NME7: variants seen among roughly 807,000 people sequenced by gnomAD.
NME7 encodes nucleoside diphosphate kinase 7.
A neutral mutation model predicts 49.1 loss-of-function variants in NME7; 41 were observed. That is an observed-to-expected ratio of 0.83 (90% CI 0.65 to 1.08). NME7 has a LOEUF of 1.08. Ranked by LOEUF, NME7 falls within the 50% of genes least tolerant of loss-of-function variation. The pLI, the probability that NME7 is intolerant of heterozygous loss-of-function variation, is 0.00. For synonymous variants in NME7, 139 were observed against 150.6 expected (o/e 0.92, Z 0.56); for missense variants, 423 against 463.4 (o/e 0.91, Z 0.80).
At chr1:169,361,785 A>G (rs1450228222) in intron 1 of NME7, among the ~76,000 whole-genome samples, 10 of 151,920 alleles carry the variant, frequency 6.6e-5, no homozygotes, top group Non-Finnish European at 1.3e-4. Flanking sequence ...CTGTCTAAAA[A>G]AAAAAAAAGG....
chr1:169,353,076 G>C (rs963605602), intron 1 of NME7, among the ~76,000 whole-genome samples: 3 of 151,672 alleles, frequency 2.0e-5, no homozygotes, highest in African/African-American at 7.3e-5. Context: ...AAAAGACTCA[G>C]AATAGCCAAA....
At chr1:169,177,250 A>G (rs1659779756) in intron 10 of NME7, among the ~76,000 whole-genome samples, 1 of 152,158 alleles carries the variant, frequency 6.6e-6, no homozygotes. Context: ...AATCCTGTCA[A>G]TACAACTACT....
chr1:169,312,216 C>T (rs1377719217), intron 3 of NME7, among the ~76,000 whole-genome samples: 1 of 152,222 alleles, frequency 6.6e-6, no homozygotes. Flanking sequence ...GACAACTAGG[C>T]TTTTCTTTCC....
intron 1 of NME7, among the ~76,000 whole-genome samples, chr1:169,326,060 C>T (rs1652049657): frequency 6.6e-6 from 1 of 151,770 alleles, no homozygotes; most frequent in Non-Finnish European, 1.5e-5. Flanking sequence ...TATTTAAATA[C>T]ATAATTGAAA....
At chr1:169,206,372 G>A (rs762117588) in intron 10 of NME7, among the ~76,000 whole-genome samples, 1 of 152,116 alleles carries the variant, frequency 6.6e-6, no homozygotes, top group African/African-American at 2.4e-5. Flanking sequence ...AAAAAGAATG[G>A]ATGGCTACAA....
intron 10 of NME7, among the ~76,000 whole-genome samples, chr1:169,223,408 T>C (rs1056395914): frequency 1.3e-5 from 2 of 152,148 alleles, no homozygotes; most frequent in Non-Finnish European, 2.9e-5. Flanking sequence ...ACTATATATA[T>C]CCCATTTTAA....
intron 1 of NME7, among the ~76,000 whole-genome samples, chr1:169,339,289 T>A (rs1164939579): frequency 6.6e-6 from 1 of 152,168 alleles, no homozygotes; most frequent in African/African-American, 2.4e-5. Context: ...ACTACCATCT[T>A]AAAAGAATAT....
At chr1:169,133,743 C>CT (rs1658333930) in intron 11 of NME7, among the ~76,000 whole-genome samples, 1 of 152,158 alleles carries the variant, frequency 6.6e-6, no homozygotes, top group African/African-American at 2.4e-5. Flanking sequence ...CTACATGAAA[C>CT]TGAGTTTCTC....
intron 7 of NME7, among the ~76,000 whole-genome samples, chr1:169,242,304 T>C (rs1215651634): frequency 6.6e-6 from 1 of 152,022 alleles, no homozygotes; most frequent in African/African-American, 2.4e-5. Flanking sequence ...TCAATATATG[T>C]TGATCACATA....
intron 11 of NME7, among the ~76,000 whole-genome samples, chr1:169,152,202 A>G (rs944359315): frequency 1.4e-4 from 21 of 151,360 alleles, no homozygotes; most frequent in Non-Finnish European, 1.6e-4. Context: ...CAAGTTAAGT[A>G]TAGAATGGTA....
intron 7 of NME7, among the ~76,000 whole-genome samples, chr1:169,246,212 G>T (rs1327256316): frequency 6.6e-6 from 1 of 152,126 alleles, no homozygotes; most frequent in Non-Finnish European, 1.5e-5. Context: ...AGGCTAAGGT[G>T]GGAGGATCAC....
chr1:169,299,892 C>G (rs1303732174), intron 5 of NME7, among the ~76,000 whole-genome samples: 1 of 151,964 alleles, frequency 6.6e-6, no homozygotes, highest in South Asian at 2.1e-4. Context: ...ATCAAAGGAG[C>G]AAACCATGTT....
At position 169,342,544 on chromosome 1, in the gene NME7, A is replaced by G. The variant is rs1391682548; in HGVS notation, c.4-18044T>C. On this transcript the variant is annotated intron_variant, in intron 1 of 11. Coordinates refer to ENST00000367811, the MANE Select transcript of NME7 (RefSeq NM_013330.5). ...TATATATATACAAGTACATATATATAGTATATATATATATACAAGTACATA... is the reference window on the plus strand; with the variant it reads ...TATATATATACAAGTACATATATATGGTATATATATATATACAAGTACATA... Among the ~76,000 whole-genome samples, 11 of 125,094 alleles carry G rather than the reference A, an allele frequency of 8.8e-5. 2 individuals carry two copies. The highest frequency in any genetic ancestry group is 1.8e-4 in the Non-Finnish European group (11 of 59,800). The allele number at this position is 125,094 out of a possible 152,430, so 82.1% of individuals were successfully genotyped here.
intron 1 of NME7, among the ~76,000 whole-genome samples, chr1:169,355,126 A>G (rs1653373004): frequency 2.1e-5 from 1 of 47,272 alleles, no homozygotes; most frequent in Non-Finnish European, 3.5e-5. Context: ...TATACTATAT[A>G]TTATAGATAT....
chr1:169,238,591 G>C (rs937708231), intron 7 of NME7, among the ~76,000 whole-genome samples: 2 of 151,400 alleles, frequency 1.3e-5, no homozygotes, highest in Admixed American at 1.3e-4. Context: ...ATGTGCATTC[G>C]TATTTACTAT....
chr1:169,228,683 C>CAA lies in NME7; in HGVS notation c.990+2033_990+2034dup, dbSNP rs747705690. Among the ~76,000 whole-genome samples, 291 of 89,370 alleles carry CAA rather than the reference C, an allele frequency of 3.3e-3. 3 individuals are homozygous for CAA. Among genetic ancestry groups the CAA allele is most frequent in the African/African-American group, 9.3e-3 (168 of 18,042 alleles). The allele number at this position is 89,370 out of a possible 152,430, so 58.6% of individuals were successfully genotyped here. On this transcript the variant is annotated intron_variant, in intron 10 of 11. Coordinates refer to ENST00000367811, the MANE Select transcript of NME7 (RefSeq NM_013330.5). ...TGGGCGACAGAGCGAGACTCCGTCT[C>CAA]AAAAAAAAAAAAAAAAAAAAAAAGT...
intron 7 of NME7, among the ~76,000 whole-genome samples, chr1:169,243,677 A>C (rs1648183609): frequency 6.6e-6 from 1 of 152,190 alleles, no homozygotes; most frequent in African/African-American, 2.4e-5. Flanking sequence ...TCATCTATGA[A>C]GAAAACCATG....
At chr1:169,239,247 A>T (rs1571316972) in intron 7 of NME7, among the ~76,000 whole-genome samples, 1 of 152,070 alleles carries the variant, frequency 6.6e-6, no homozygotes, top group Admixed American at 6.6e-5. Flanking sequence ...CTGATTGGAA[A>T]AAAATAGGCC....
intron 7 of NME7, chr1:169,284,054 T>G (rs1259301256): frequency 6.6e-6 from 1 of 152,210 alleles, no homozygotes; most frequent in African/African-American, 2.4e-5. Flanking sequence ...TCCGACTTGG[T>G]CCCATTCTCC....
Sources: gnomAD v4.1 joint callset for allele counts (sites outside exome capture counted in the v4.1 genomes callset) on GRCh38, gnomAD v4.1.1 for gene constraint, MANE v1.5 for transcripts, NCBI Gene and HGNC (gene_info 2026-07-23, HGNC 2026-07-21) for gene names.